Variants in SCUBE1 observed in about 807,000 individuals in gnomAD.
SCUBE1 encodes the protein signal peptide, CUB domain and EGF like domain containing 1.
Under a neutral mutation model 124.4 loss-of-function variants are expected in SCUBE1, and 59 were observed. That is an observed-to-expected ratio of 0.47 (90% CI 0.38 to 0.59). The LOEUF is 0.59. SCUBE1 is among the 20% of genes least tolerant of loss of function. The pLI is 0.00. For synonymous variants in SCUBE1, 545 were observed against 550.9 expected, an observed-to-expected ratio of 0.99 and a Z score of 0.15; for missense variants, 1,150 against 1,371.2, an observed-to-expected ratio of 0.84 and a Z score of 2.55.
chr22:43,325,859 C>T (rs1249572961), intron 2 of SCUBE1, among the ~76,000 whole-genome samples: 1 of 151,954 alleles, frequency 6.6e-6, no homozygotes, highest in African/African-American at 2.4e-5. Flanking sequence ...TGAAAGGCAG[C>T]GTGCGCACAC....
chr22:43,227,370 C>T lies in SCUBE1; in HGVS notation c.1207+4G>A. 2 of 1,608,170 alleles carry T rather than the reference C, an allele frequency of 1.2e-6. No individual in the cohort carries two copies. The highest frequency in any genetic ancestry group is 2.2e-5 in the South Asian group (2 of 90,636). On this transcript the variant is annotated splice_donor_region_variant and intron_variant, in intron 10 of 21. Transcript: ENST00000360835. ...GGGGCCAGCAGCACAGGGCGGCCACCTACCCACGCAATCCTTCCCGTTCCA... is the reference window on the plus strand; with the variant it reads ...GGGGCCAGCAGCACAGGGCGGCCACTTACCCACGCAATCCTTCCCGTTCCA...
At position 43,255,661 on chromosome 22, in the gene SCUBE1, C is replaced by T. The variant is rs1365176742; in HGVS notation, c.727+2558G>A. The T allele has an allele frequency of 3.7e-5, 44 of 1,192,860 alleles. No homozygotes were observed. In the South Asian group the frequency reaches 4.0e-4, roughly 11 times the overall value. The allele number at this position is 1,192,860 out of a possible 1,614,324, so 73.9% of individuals were successfully genotyped here. A position where few individuals can be genotyped will look rare whatever the true frequency, so the allele number is the denominator to read the frequency against. On this transcript the variant is annotated intron_variant, in intron 6 of 21. Coordinates refer to ENST00000360835, the MANE Select transcript of SCUBE1 (RefSeq NM_173050.5). This position sits in a 1 kb window ranked among gnomAD's most constrained non-coding sequence, Gnocchi z 4.7. ...CGGCCCAAGACAGTCAGCCTCTCGG[C>T]GTGGCGCACGCAAAGCCAACACAAC...
At chr22:43,242,839 T>C (rs1923060866) in intron 6 of SCUBE1, among the ~76,000 whole-genome samples, 1 of 152,178 alleles carries the variant, frequency 6.6e-6, no homozygotes, top group Non-Finnish European at 1.5e-5. Flanking sequence ...CCCTTTGTAG[T>C]GGACAAGGCA....
Position 43,218,538 on chromosome 22 carries a change from G to A in SCUBE1, c.1688-80C>T, listed in dbSNP as rs1212445345. The A allele has an allele frequency of 1.7e-5, 25 of 1,478,624 alleles. No homozygotes were observed. The East Asian group carries it at 4.6e-4, about 27-fold the overall frequency. 91.6% of individuals were successfully genotyped at this position (1,478,624 alleles called of 1,614,324 possible). The stretch of plus-strand genomic sequence containing the variant: ...CCTTCTTAGCTGAGGGCTCCCCCGT[G>A]CCAGGCCCTGCACTGGGCTCGGACC... On this transcript the variant is annotated intron_variant, in intron 14 of 21. Transcript: ENST00000360835.
rs893598542 is a variant in SCUBE1, at chr22:43,227,000, C to T, written c.1207+374G>A. ...GCCTCCTCAGCAAGACAAGGGGAAG[C>T]TACCAGAGGAGAGGCCTCCACACCC... is the stretch of plus-strand genomic sequence containing the variant. On this transcript the variant is annotated intron_variant, in intron 10 of 21. Coordinates refer to ENST00000360835, the MANE Select transcript of SCUBE1 (RefSeq NM_173050.5). Among the ~76,000 whole-genome samples, 9 of 152,150 alleles carry T rather than the reference C, an allele frequency of 5.9e-5. 1 individual carries two copies. Among genetic ancestry groups the T allele is most frequent in the Non-Finnish European group, 1.3e-4 (9 of 67,998 alleles).
intron 15 of SCUBE1, among the ~76,000 whole-genome samples, chr22:43,216,978 C>G (rs1389422385): frequency 1.6e-5 from 2 of 124,652 alleles, no homozygotes; most frequent in African/African-American, 3.2e-5. Context: ...TCTTCTCTAA[C>G]AGCTTCCCCC....
At chr22:43,327,011 C>T (rs1003640534) in intron 2 of SCUBE1, among the ~76,000 whole-genome samples, 1 of 152,162 alleles carries the variant, frequency 6.6e-6, no homozygotes, top group African/African-American at 2.4e-5. Context: ...TCCATGAGAA[C>T]GAGAACTGTG....
intron 7 of SCUBE1, among the ~76,000 whole-genome samples, chr22:43,235,080 G>A (rs1032855550): frequency 6.6e-6 from 1 of 152,194 alleles, no homozygotes; most frequent in Non-Finnish European, 1.5e-5. Flanking sequence ...CACAGACTTG[G>A]GGGTGGCTGT....
chr22:43,322,705 G>T (rs1362698839), intron 2 of SCUBE1, among the ~76,000 whole-genome samples: 1 of 152,142 alleles, frequency 6.6e-6, no homozygotes, highest in African/African-American at 2.4e-5. Flanking sequence ...TAACTCTGGG[G>T]GTGGAGACTT....
intron 7 of SCUBE1, among the ~76,000 whole-genome samples, chr22:43,236,481 G>C (rs1399807855): frequency 1.3e-5 from 2 of 152,210 alleles, no homozygotes; most frequent in African/African-American, 4.8e-5. Context: ...TGACCCCACT[G>C]TGGCCAGTGT....
intron 15 of SCUBE1, among the ~76,000 whole-genome samples, chr22:43,217,047 C>T (rs1208899038): frequency 3.0e-5 from 3 of 101,042 alleles, no homozygotes; most frequent in Non-Finnish European, 5.9e-5. Context: ...GGTGTCACCT[C>T]TTTACCAACA....
rs190984699 is a variant in SCUBE1 at position 43,286,771 on chromosome 22, C to T, written c.484+4275G>A. Among the ~76,000 whole-genome samples the T allele has an allele frequency of 1.6e-3, 239 of 148,394 alleles. 3 individuals carry two copies. The highest frequency in any genetic ancestry group is 1.6e-3 in the Non-Finnish European group (105 of 66,990). ...AGGGGCTGGCAGAGCACCTGGCACA[C>T]GAATAAATGAATGAATGAATGAATG... is the stretch of plus-strand genomic sequence containing the variant. On this transcript the variant is annotated intron_variant, in intron 4 of 21. Coordinates refer to ENST00000360835, the MANE Select transcript of SCUBE1 (RefSeq NM_173050.5).
intron 14 of SCUBE1, among the ~76,000 whole-genome samples, chr22:43,219,417 T>C (rs998754837): frequency 2.0e-4 from 30 of 152,170 alleles, no homozygotes; most frequent in African/African-American, 6.5e-4. Flanking sequence ...ATAAGCTCTT[T>C]TCCTGATAAA....
chr22:43,223,542 C>A (rs956479279), intron 10 of SCUBE1, among the ~76,000 whole-genome samples: 3 of 152,270 alleles, frequency 2.0e-5, no homozygotes, highest in East Asian at 3.9e-4. Flanking sequence ...GGGAAAGGAA[C>A]GGCGCTAAAT....
chr22:43,329,072 G>C (rs1196613978), intron 2 of SCUBE1, among the ~76,000 whole-genome samples: 1 of 152,220 alleles, frequency 6.6e-6, no homozygotes, highest in East Asian at 1.9e-4. Context: ...CCTTGTGAAG[G>C]ATCAGGCCAC....
chr22:43,274,256 C>T (rs1043973856), intron 4 of SCUBE1, among the ~76,000 whole-genome samples: 5 of 152,174 alleles, frequency 3.3e-5, no homozygotes, highest in African/African-American at 9.7e-5. Context: ...ATACAGGACG[C>T]CTCATTCAAT....
Position 43,258,468 on chromosome 22 carries a change from G to A in SCUBE1, c.611-133C>T, listed in dbSNP as rs902516661. The A allele has an allele frequency of 1.5e-4, 104 of 703,538 alleles. 1 individual carries two copies. Among genetic ancestry groups the A allele is most frequent in the Non-Finnish European group, 2.4e-4 (94 of 385,336 alleles). 43.6% of individuals were successfully genotyped at this position (703,538 alleles called of 1,614,324 possible). A position where few individuals can be genotyped will look rare whatever the true frequency, so the allele number is the denominator to read the frequency against. The stretch of plus-strand genomic sequence containing the variant: ...GGGCATCAGTGGGTAGGGTCATGAG[G>A]CTCGCCGGGCAACGGGGGAGCATTT... On this transcript the variant is annotated intron_variant, in intron 5 of 21. Transcript: ENST00000360835. This position sits in a 1 kb window ranked among gnomAD's most constrained non-coding sequence, Gnocchi z 5.0.
rs1171345799 is a variant in SCUBE1 at position 43,211,997 on chromosome 22, G to A, written c.2221+428C>T. On this transcript the variant is annotated intron_variant, in intron 17 of 21. Transcript: ENST00000360835. The surrounding 1 kb of genome is among the most constrained non-coding windows in gnomAD (Gnocchi z 4.5). ...CTGAGAATGGGGAGGATTTGGGGGAGTTGGTGAGTGAGGGAAGACGGGATG... is the reference window on the plus strand; with the variant it reads ...CTGAGAATGGGGAGGATTTGGGGGAATTGGTGAGTGAGGGAAGACGGGATG... Among the ~76,000 whole-genome samples the A allele has an allele frequency of 6.6e-6, 1 of 152,132 alleles. No individual in the cohort carries two copies. Among genetic ancestry groups the A allele is most frequent in the Non-Finnish European group, 1.5e-5 (1 of 68,010 alleles).
intron 6 of SCUBE1, among the ~76,000 whole-genome samples, chr22:43,246,366 G>A (rs959546046): frequency 6.6e-6 from 1 of 152,182 alleles, no homozygotes; most frequent in Non-Finnish European, 1.5e-5. Flanking sequence ...GAAGGAGCTG[G>A]TGAGGGCAGG....
Sources: allele counts gnomAD v4.1 joint callset (sites outside exome capture counted in the v4.1 genomes callset), GRCh38; gene constraint gnomAD v4.1.1; non-coding constraint Gnocchi (gnomAD v3.1); transcripts MANE v1.5; gene names NCBI Gene and HGNC (gene_info 2026-07-23, HGNC 2026-07-21).